The following TTC7B variants were observed in gnomAD, a reference collection of about 807,000 sequenced individuals.
The protein encoded by TTC7B is tetratricopeptide repeat domain 7B, also known as tetratricopeptide repeat protein 7B.
In TTC7B, 28 loss-of-function variants were observed where a neutral mutation model predicts 106.8. The ratio of observed to expected loss-of-function variants is 0.26; its 90% confidence interval spans 0.19 to 0.36. The LOEUF is 0.36. TTC7B is among the 10% of genes least tolerant of loss of function. The pLI is 1.00. For missense variants in TTC7B, 862 were observed against 1,076.4 expected (o/e 0.80, Z 2.79); for synonymous variants, 405 against 430.6 (o/e 0.94, Z 0.74).
chr14:90,636,415 A>G (rs967893585), intron 15 of TTC7B, among the ~76,000 whole-genome samples: 1 of 136,576 alleles, frequency 7.3e-6, no homozygotes, highest in Non-Finnish European at 1.6e-5. Context: ...AAAAACTGCT[A>G]TAACGATGTG....
chr14:90,714,977 C>T (rs1888599109), intron 5 of TTC7B, among the ~76,000 whole-genome samples: 1 of 152,110 alleles, frequency 6.6e-6, no homozygotes, highest in Non-Finnish European at 1.5e-5. Flanking sequence ...TCTCTTGTAG[C>T]AGGGCCCAGT....
intron 18 of TTC7B, among the ~76,000 whole-genome samples, chr14:90,584,180 G>A (rs1891622937): frequency 6.6e-6 from 1 of 152,218 alleles, no homozygotes. Context: ...ATGGTTTGTT[G>A]AACCAGACTG....
Position 90,757,060 on chromosome 14 carries a change from A to G in TTC7B, c.446-12138T>C, listed in dbSNP as rs1209207962. Reference sequence around the variant, plus strand: ...TGGGAAGAGGCAGAAGAGATCATGGAGTCAGAGACAAACAGTTAGCAGAAG... The same window carrying G: ...TGGGAAGAGGCAGAAGAGATCATGGGGTCAGAGACAAACAGTTAGCAGAAG... On this transcript the variant is annotated intron_variant, in intron 3 of 19. Transcript: ENST00000328459. The surrounding 1 kb of genome is among the most constrained non-coding windows in gnomAD (Gnocchi z 4.1). 6.6e-6 allele frequency among the ~76,000 whole-genome samples: 1 copy of G among 152,144 alleles called. No homozygotes were observed. Among genetic ancestry groups the G allele is most frequent in the African/African-American group, 2.4e-5 (1 of 41,428 alleles).
intron 19 of TTC7B, among the ~76,000 whole-genome samples, chr14:90,548,067 G>A (rs1300311409): frequency 6.6e-6 from 1 of 152,210 alleles, no homozygotes; most frequent in African/African-American, 2.4e-5. Flanking sequence ...TCAGCAGCAG[G>A]GATGGAGGTG....
rs1890690573 is a variant in TTC7B at position 90,766,655 on chromosome 14, A to G, written c.445+14083T>C. The G allele has an allele frequency of 7.3e-6, 9 of 1,230,470 alleles. No homozygotes were observed. The South Asian group carries it at 9.6e-5, about 13-fold the overall frequency. 76.2% of individuals were successfully genotyped at this position (1,230,470 alleles called of 1,614,324 possible). On this transcript the variant is annotated intron_variant, in intron 3 of 19. Coordinates refer to ENST00000328459, the MANE Select transcript of TTC7B (RefSeq NM_001010854.2). ...AAGGGTGTGGGCCAAAGATATGTTC[A>G]TGTGGTGTTGAGGAAAGCAGACATT...
chr14:90,583,216 A>G (rs988932914), intron 18 of TTC7B, among the ~76,000 whole-genome samples: 2 of 152,244 alleles, frequency 1.3e-5, no homozygotes, highest in African/African-American at 4.8e-5. Flanking sequence ...CCTCACATAG[A>G]AACAGTATGG....
chr14:90,680,830 G>T (rs908986681), intron 7 of TTC7B, among the ~76,000 whole-genome samples: 1 of 152,262 alleles, frequency 6.6e-6, no homozygotes, highest in Non-Finnish European at 1.5e-5. Flanking sequence ...TCAATAAATT[G>T]ACATTATCTA....
intron 13 of TTC7B, among the ~76,000 whole-genome samples, chr14:90,652,036 A>C (rs1390210095): frequency 6.6e-6 from 1 of 152,214 alleles, no homozygotes; most frequent in Non-Finnish European, 1.5e-5. Context: ...CTATGCTTCC[A>C]GATGATTTCA....
At chr14:90,545,338 C>T (rs940529982) in intron 19 of TTC7B, among the ~76,000 whole-genome samples, 15 of 152,230 alleles carry the variant, frequency 9.9e-5, no homozygotes, top group African/African-American at 3.6e-4. Context: ...CTGTGTCTTC[C>T]CTTTCATTTC....
rs1032004490 is a variant in TTC7B at position 90,528,944 on chromosome 14, ATGTT to A, written c.*12420_*12423del. The A allele has an allele frequency of 1.3e-5, 2 of 151,402 alleles. No individual in the cohort carries two copies. The highest frequency in any genetic ancestry group is 5.0e-5 in the African/African-American group (2 of 39,994). The allele number at this position is 151,402 out of a possible 1,614,324, so 9.4% of individuals were successfully genotyped here. On this transcript the variant is annotated 3_prime_UTR_variant, in exon 20 of 20. Transcript: ENST00000328459. ...AACTGTGATTTGTTACCTGTTTCTG[ATGTT>A]TGTTTCTGATGGTGTGACCTGACTG...
At chr14:90,728,812 G>C (rs2139987188) in intron 5 of TTC7B, among the ~76,000 whole-genome samples, 1 of 152,348 alleles carries the variant, frequency 6.6e-6, no homozygotes, top group South Asian at 2.1e-4. Context: ...ACAGGTCAGA[G>C]AGAAGGAGGG....
chr14:90,718,232 C>A lies in TTC7B; in HGVS notation c.698+11843G>T, dbSNP rs373794391. Among the ~76,000 whole-genome samples the A allele has an allele frequency of 7.9e-5, 12 of 152,218 alleles. No homozygotes were observed. The East Asian group carries it at 9.6e-4, about 12-fold the overall frequency. On this transcript the variant is annotated intron_variant, in intron 5 of 19. Coordinates refer to ENST00000328459, the MANE Select transcript of TTC7B (RefSeq NM_001010854.2). ...ACCAGGGAAGATGATAGCTCCCTTTCCTGCTGCGGGAACTCTGGAATCCCA... is the reference window on the plus strand; with the variant it reads ...ACCAGGGAAGATGATAGCTCCCTTTACTGCTGCGGGAACTCTGGAATCCCA...
chr14:90,627,936 T>A (rs1327951942), intron 15 of TTC7B, among the ~76,000 whole-genome samples: 1 of 152,168 alleles, frequency 6.6e-6, no homozygotes, highest in African/African-American at 2.4e-5. Flanking sequence ...CTCTTGAACC[T>A]TACTGCCCGT....
chr14:90,694,375 C>A (rs542069179), intron 6 of TTC7B, among the ~76,000 whole-genome samples: 11 of 151,998 alleles, frequency 7.2e-5, no homozygotes, highest in African/African-American at 2.2e-4. Flanking sequence ...TGACTACTAA[C>A]GAGTATAGAG....
chr14:90,676,709 G>A (rs933670582), intron 8 of TTC7B, 49 bp from the exon 9 acceptor site: 3 of 1,593,614 alleles, frequency 1.9e-6, no homozygotes, highest in South Asian at 1.1e-5. Flanking sequence ...ACCTAGTGCT[G>A]CATGGCGGGG....
chr14:90,688,861 G>C lies in TTC7B; in HGVS notation c.950+679C>G, dbSNP rs567569607. Among the ~76,000 whole-genome samples the C allele has an allele frequency of 6.6e-5, 10 of 152,020 alleles. No homozygotes were observed. In the East Asian group the frequency reaches 1.7e-3, roughly 26 times the overall value. On this transcript the variant is annotated intron_variant, in intron 7 of 19. Transcript: ENST00000328459. ...AGAGCAGGAAAATATGGGAATTCAA[G>C]ACTTGAATGGGAGGCATTGAGAATG... is the stretch of plus-strand genomic sequence containing the variant.
intron 5 of TTC7B, among the ~76,000 whole-genome samples, chr14:90,704,046 G>T (rs144131279): frequency 5.7e-4 from 87 of 152,314 alleles, no homozygotes; most frequent in South Asian, 5.6e-3. Context: ...GCACTGAGAT[G>T]GGGAAGGACT....
chr14:90,647,263 T>C, intron 13 of TTC7B: 1 of 465,140 alleles, frequency 2.1e-6, no homozygotes. Context: ...GCATCTAAAA[T>C]GGCAGCTGAA....
rs1555395558 is a variant in TTC7B, at chr14:90,745,313, A to AAGAAGAAG, written c.446-392_446-391insCTTCTTCT. On this transcript the variant is annotated intron_variant, in intron 3 of 19. Transcript: ENST00000328459. ...CCTGTCTCCCAAAAAAAAAAAAAAA[A>AAGAAGAAG]AAGAAGAAGAAGAAGAAGAAGTGGT... Among the ~76,000 whole-genome samples, 166 of 135,966 alleles carry AAGAAGAAG rather than the reference A, an allele frequency of 1.2e-3. 1 individual carries two copies. The highest frequency in any genetic ancestry group is 4.9e-3 in the South Asian group (22 of 4,514). The allele number at this position is 135,966 out of a possible 152,430, so 89.2% of individuals were successfully genotyped here. A position where few individuals can be genotyped will look rare whatever the true frequency, so the allele number is the denominator to read the frequency against.
Sources: allele counts gnomAD v4.1 joint callset (sites outside exome capture counted in the v4.1 genomes callset), GRCh38; gene constraint gnomAD v4.1.1; non-coding constraint Gnocchi (gnomAD v3.1); transcripts MANE v1.5; gene names NCBI Gene and HGNC (gene_info 2026-07-23, HGNC 2026-07-21).